MAST2: variants seen among roughly 807,000 people sequenced by gnomAD.
The protein encoded by MAST2 is microtubule-associated serine/threonine-protein kinase 2.
In MAST2, 70 loss-of-function variants were observed where a neutral mutation model predicts 147.4. That is an observed-to-expected ratio of 0.47 (90% CI 0.39 to 0.58). MAST2 has a LOEUF of 0.58. Among genes scored for constraint, MAST2 ranks in the 20% least tolerant of loss-of-function variants. The pLI is 0.00. For missense variants in MAST2, 2,080 were observed against 2,302.3 expected, an observed-to-expected ratio of 0.90 and a Z score of 1.98; for synonymous variants, 869 against 896.8, an observed-to-expected ratio of 0.97 and a Z score of 0.55.
intron 3 of MAST2, among the ~76,000 whole-genome samples, chr1:45,872,777 G>A (rs1021805414): frequency 6.6e-6 from 1 of 152,106 alleles, no homozygotes; most frequent in Non-Finnish European, 1.5e-5. Flanking sequence ...CACCACGCCT[G>A]GCCATGAATA....
At position 45,812,366 on chromosome 1, in the gene MAST2, T is replaced by A. The variant is rs115209777; in HGVS notation, c.177+8294T>A. ...CTGATGAGGGTAGGACACATGTGAT[T>A]ACAGAGTTTTCCCATCATTGTTCTG... On this transcript the variant is annotated intron_variant, in intron 1 of 28. Transcript: ENST00000361297. 7.5e-3 allele frequency among the ~76,000 whole-genome samples: 1,137 copies of A among 152,118 alleles called. 16 individuals are homozygous for A. The highest frequency in any genetic ancestry group is 0.026 in the African/African-American group (1,086 of 41,478).
At chr1:45,866,433 A>G (rs1351474846) in intron 3 of MAST2, among the ~76,000 whole-genome samples, 1 of 152,254 alleles carries the variant, frequency 6.6e-6, no homozygotes, top group African/African-American at 2.4e-5. Flanking sequence ...TGCTAATTAA[A>G]AATGGCTGGC....
At chr1:46,009,086 G>C (rs1393173037) in intron 9 of MAST2, among the ~76,000 whole-genome samples, 1 of 152,022 alleles carries the variant, frequency 6.6e-6, no homozygotes, top group Non-Finnish European at 1.5e-5. Context: ...ATGGAGTCTT[G>C]CTCTGTCACC....
chr1:45,924,689 G>A (rs1051404851), intron 4 of MAST2, among the ~76,000 whole-genome samples: 1 of 152,234 alleles, frequency 6.6e-6, no homozygotes, highest in Admixed American at 6.5e-5. Flanking sequence ...AATTTGTATA[G>A]GTTGAAGTCC....
chr1:45,837,727 A>G (rs1464297501), intron 3 of MAST2, among the ~76,000 whole-genome samples: 1 of 152,146 alleles, frequency 6.6e-6, no homozygotes, highest in Non-Finnish European at 1.5e-5. Flanking sequence ...TGGCTATACC[A>G]TTTTTGCATT....
rs1268213245 is a variant in MAST2 at position 45,900,756 on chromosome 1, C to T, written c.500+18361C>T. Among the ~76,000 whole-genome samples, 7 of 7,202 alleles carry T rather than the reference C, an allele frequency of 9.7e-4. 2 individuals are homozygous for T. Among genetic ancestry groups the T allele is most frequent in the African/African-American group, 3.3e-3 (2 of 604 alleles). 4.7% of individuals were successfully genotyped at this position (7,202 alleles called of 152,430 possible). On this transcript the variant is annotated intron_variant, in intron 4 of 28. Transcript: ENST00000361297. ...CTGGGATTACAGGCGTGAGCCACCG[C>T]GCCCGGCCGATGTTGGATATTTTTT... is the stretch of plus-strand genomic sequence containing the variant.
intron 5 of MAST2, among the ~76,000 whole-genome samples, chr1:45,977,506 A>G (rs868187773): frequency 1.3e-5 from 2 of 150,062 alleles, no homozygotes; most frequent in East Asian, 3.9e-4. Context: ...CAAACAAACA[A>G]ACAAACAAAA....
intron 1 of MAST2, among the ~76,000 whole-genome samples, chr1:45,806,501 GTGATCCTCC>G (rs1557788292): frequency 6.6e-6 from 1 of 152,214 alleles, no homozygotes; most frequent in Non-Finnish European, 1.5e-5. Context: ...CCAGGCTCAA[GTGATCCTCC>G]TGCCTCAGCC....
intron 20 of MAST2, 49 bp from the exon 21 acceptor site, chr1:46,030,080 A>G: frequency 6.2e-7 from 1 of 1,607,168 alleles, no homozygotes. Flanking sequence ...GGTCACAAGG[A>G]GGCCACCAGC....
At chr1:45,925,163 T>C (rs1162196912) in intron 4 of MAST2, among the ~76,000 whole-genome samples, 2 of 152,214 alleles carry the variant, frequency 1.3e-5, no homozygotes, top group Non-Finnish European at 2.9e-5. Context: ...ATCTTAGGGA[T>C]GGTCTTAGGA....
intron 5 of MAST2, among the ~76,000 whole-genome samples, chr1:45,962,558 A>G (rs1312099768): frequency 6.6e-6 from 1 of 152,236 alleles, no homozygotes; most frequent in African/African-American, 2.4e-5. Context: ...TGTTGGCTGC[A>G]TAAATGTCTT....
At chr1:45,817,819 C>T (rs1418690084) in intron 1 of MAST2, among the ~76,000 whole-genome samples, 2 of 152,146 alleles carry the variant, frequency 1.3e-5, no homozygotes, top group Non-Finnish European at 2.9e-5. Flanking sequence ...TGGTTTTGGA[C>T]TGTGAATTTT....
At chr1:45,885,904 AG>A (rs1424350387) in intron 4 of MAST2, among the ~76,000 whole-genome samples, 1 of 152,172 alleles carries the variant, frequency 6.6e-6, no homozygotes, top group Non-Finnish European at 1.5e-5. Context: ...AGAAAAATAA[AG>A]CCAGATATCA....
chr1:45,975,215 G>A (rs1180518868), intron 5 of MAST2, among the ~76,000 whole-genome samples: 1 of 152,110 alleles, frequency 6.6e-6, no homozygotes, highest in Non-Finnish European at 1.5e-5. Flanking sequence ...TGTGTCCAGG[G>A]TGCTTGGGAG....
intron 3 of MAST2, among the ~76,000 whole-genome samples, chr1:45,859,371 A>T (rs1005278035): frequency 6.6e-6 from 1 of 152,224 alleles, no homozygotes. Context: ...AAGTGCTGGG[A>T]TTACAGGCAT....
At chr1:45,901,618 T>C (rs1387548856) in intron 4 of MAST2, among the ~76,000 whole-genome samples, 1 of 152,206 alleles carries the variant, frequency 6.6e-6, no homozygotes, top group Admixed American at 6.5e-5. Flanking sequence ...TCCATGATCA[T>C]AGGATGTTTT....
At chr1:45,900,173 C>CAAAAAAAAAAAAAAAAAA (rs59051138) in intron 4 of MAST2, among the ~76,000 whole-genome samples, 3 of 54,092 alleles carry the variant, frequency 5.5e-5, no homozygotes, top group African/African-American at 2.6e-4. Flanking sequence ...CTCTCTCTCT[C>CAAAAAAAAAAAAAAAAAA]AAAAAAAAAA....
intron 5 of MAST2, among the ~76,000 whole-genome samples, chr1:45,964,779 C>G (rs1447030666): frequency 6.6e-6 from 1 of 152,032 alleles, no homozygotes; most frequent in Non-Finnish European, 1.5e-5. Context: ...TGTGTTTGCT[C>G]TTGCTTTTCT....
intron 6 of MAST2, chr1:46,001,051 T>C (rs948506177): frequency 3.4e-6 from 4 of 1,166,662 alleles, no homozygotes; most frequent in Non-Finnish European, 4.6e-6. Flanking sequence ...GTTTGTGATG[T>C]TGTGGTTGGT....
Sources: gnomAD v4.1 joint callset for allele counts (sites outside exome capture counted in the v4.1 genomes callset) on GRCh38, gnomAD v4.1.1 for gene constraint, MANE v1.5 for transcripts, NCBI Gene and HGNC (gene_info 2026-07-23, HGNC 2026-07-21) for gene names.